Variants in PARD3B observed in about 807,000 individuals in gnomAD.
PARD3B encodes partitioning defective 3 homolog B.
PARD3B carries 103 observed loss-of-function variants against 130.2 expected under a neutral mutation model. That is an observed-to-expected ratio of 0.79 (90% CI 0.67 to 0.93). The LOEUF (loss-of-function observed/expected upper bound fraction) is 0.93, where lower values mean the gene tolerates loss of function less well. Ranked by LOEUF, PARD3B falls within the 40% of genes least tolerant of loss-of-function variation. The probability of loss-of-function intolerance (pLI) is 0.00; values close to 1 mark genes in which losing one functional copy is unlikely to be tolerated. For synonymous variants in PARD3B, 583 were observed against 553.2 expected (o/e 1.05, Z -0.76); for missense variants, 1,609 against 1,499.2 (o/e 1.07, Z -1.21).
intron 6 of PARD3B, among the ~76,000 whole-genome samples, chr2:205,117,442 C>T (rs1232590166): frequency 6.6e-6 from 1 of 152,136 alleles, no homozygotes; most frequent in African/African-American, 2.4e-5. Flanking sequence ...ATATCACTGC[C>T]ATGCCTGTTG....
chr2:204,981,370 A>T (rs1007954871), intron 3 of PARD3B, among the ~76,000 whole-genome samples: 16 of 152,228 alleles, frequency 1.1e-4, no homozygotes, highest in African/African-American at 3.9e-4. Flanking sequence ...ACAATGGAAT[A>T]CTTTACAACA....
chr2:204,870,437 G>A (rs903757464), intron 2 of PARD3B, among the ~76,000 whole-genome samples: 12 of 152,132 alleles, frequency 7.9e-5, no homozygotes, highest in Admixed American at 3.3e-4. Flanking sequence ...AGGAGACACC[G>A]ATAGTGAAGC....
chr2:205,135,000 CA>C (rs1257422655), intron 10 of PARD3B, among the ~76,000 whole-genome samples: 1 of 151,552 alleles, frequency 6.6e-6, no homozygotes, highest in African/African-American at 2.4e-5. Flanking sequence ...GCAAAGTTAA[CA>C]GTGAAGAGCT....
chr2:204,944,806 T>C (rs901863789), intron 2 of PARD3B, among the ~76,000 whole-genome samples: 1 of 152,190 alleles, frequency 6.6e-6, no homozygotes, highest in Non-Finnish European at 1.5e-5. Flanking sequence ...TTGCCCTCAC[T>C]CTTTCTTCCT....
intron 10 of PARD3B, among the ~76,000 whole-genome samples, chr2:205,135,074 T>C (rs1426238957): frequency 6.6e-6 from 1 of 152,228 alleles, no homozygotes; most frequent in Non-Finnish European, 1.5e-5. Flanking sequence ...ACTGTGGCTA[T>C]GATTATGCTT....
intron 1 of PARD3B, among the ~76,000 whole-genome samples, chr2:204,642,759 T>C (rs2035121926): frequency 6.6e-6 from 1 of 151,932 alleles, no homozygotes; most frequent in Non-Finnish European, 1.5e-5. Flanking sequence ...GATTGAATCA[T>C]GGAGCAGACT....
chr2:204,591,055 A>T (rs2033054134), intron 1 of PARD3B, among the ~76,000 whole-genome samples: 1 of 152,202 alleles, frequency 6.6e-6, no homozygotes. Flanking sequence ...GCACAGGTTG[A>T]TTGCCTACTT....
intron 2 of PARD3B, among the ~76,000 whole-genome samples, chr2:204,743,789 C>T (rs1391330432): frequency 6.6e-6 from 1 of 152,066 alleles, no homozygotes; most frequent in Non-Finnish European, 1.5e-5. Flanking sequence ...GATCTCAGAC[C>T]GTAGCCAAGT....
rs749562877 is a variant in PARD3B, at chr2:205,176,628, A to G, written c.1924+51A>G. The G allele has an allele frequency of 1.3e-6, 2 of 1,481,760 alleles. No individual in the cohort carries two copies. Among genetic ancestry groups the G allele is most frequent in the Middle Eastern group, 3.6e-4 (2 of 5,624 alleles). The allele number at this position is 1,481,760 out of a possible 1,614,324, so 91.8% of individuals were successfully genotyped here. ...TGCAAATGGAGTGAGAAAACACAAA[A>G]GTGTCTTTTTATCTAAAAAAAAAAA... On this transcript the variant is annotated intron_variant, in intron 13 of 22. Transcript: ENST00000406610. This position sits in a 1 kb window ranked among gnomAD's most constrained non-coding sequence, Gnocchi z 5.3.
At chr2:204,735,887 A>G (rs1465983173) in intron 2 of PARD3B, among the ~76,000 whole-genome samples, 1 of 152,222 alleles carries the variant, frequency 6.6e-6, no homozygotes, top group African/African-American at 2.4e-5. Flanking sequence ...AATATAAATT[A>G]TTAAATCTGG....
chr2:204,840,689 G>C (rs1267374262), intron 2 of PARD3B, among the ~76,000 whole-genome samples: 1 of 152,092 alleles, frequency 6.6e-6, no homozygotes, highest in Non-Finnish European at 1.5e-5. Flanking sequence ...GATAAGTACG[G>C]TAGTGTCATC....
rs190592611 is a variant in PARD3B, at chr2:204,713,191, A to T, written c.222+26909A>T. Among the ~76,000 whole-genome samples the T allele has an allele frequency of 2.8e-3, 419 of 152,176 alleles. 1 individual carries two copies. Among genetic ancestry groups the T allele is most frequent in the African/African-American group, 9.9e-3 (412 of 41,534 alleles). On this transcript the variant is annotated intron_variant, in intron 2 of 22. Transcript: ENST00000406610. ...CCTTGCAACACATGGGCAAGAATGT[A>T]TATCTAGGCTAGAAGCATAGGAGGC...
At chr2:205,396,227 C>A (rs1424692956) in intron 18 of PARD3B, among the ~76,000 whole-genome samples, 1 of 152,202 alleles carries the variant, frequency 6.6e-6, no homozygotes, top group Non-Finnish European at 1.5e-5. Flanking sequence ...GTTATTGTCT[C>A]TTCTAACATC....
intron 2 of PARD3B, among the ~76,000 whole-genome samples, chr2:204,820,695 AT>A (rs2043317925): frequency 6.6e-6 from 1 of 151,992 alleles, no homozygotes; most frequent in Non-Finnish European, 1.5e-5. Context: ...GGTGCCTATA[AT>A]CCAAGCTACT....
At chr2:204,626,589 C>G (rs2034495332) in intron 1 of PARD3B, among the ~76,000 whole-genome samples, 1 of 151,620 alleles carries the variant, frequency 6.6e-6, no homozygotes, top group African/African-American at 2.4e-5. Context: ...TAAAAACAAA[C>G]CTGTTAGAAA....
chr2:204,725,576 G>GACATCC (rs1218655252), intron 2 of PARD3B, among the ~76,000 whole-genome samples: 2 of 152,220 alleles, frequency 1.3e-5, no homozygotes, highest in East Asian at 3.9e-4. Context: ...CATATGGTTT[G>GACATCC]ACATCCACTC....
chr2:205,003,876 AG>A (rs1320770441), intron 3 of PARD3B, among the ~76,000 whole-genome samples: 2 of 152,160 alleles, frequency 1.3e-5, no homozygotes, highest in Admixed American at 6.5e-5. Flanking sequence ...TGCCTCCAAG[AG>A]GGGCATGATA....
chr2:204,712,049 C>T, intron 2 of PARD3B, among the ~76,000 whole-genome samples: 1 of 152,104 alleles, frequency 6.6e-6, no homozygotes, highest in Non-Finnish European at 1.5e-5. Context: ...ATCAATACTC[C>T]TTGATCCCTG....
chr2:205,553,536 G>C, intron 22 of PARD3B, 133 bp downstream of exon 22: 2 of 755,470 alleles, frequency 2.6e-6, no homozygotes, highest in Non-Finnish European at 2.1e-6. Context: ...GTCTGCTGTA[G>C]CCCTAGTTCC....
Sources: gnomAD v4.1 joint callset for allele counts (sites outside exome capture counted in the v4.1 genomes callset) on GRCh38, gnomAD v4.1.1 for gene constraint, Gnocchi (gnomAD v3.1) non-coding constraint, MANE v1.5 for transcripts, NCBI Gene and HGNC (gene_info 2026-07-23, HGNC 2026-07-21) for gene names.